CENPE: variants seen among roughly 807,000 people sequenced by gnomAD.
CENPE encodes the protein centromere-associated protein E.
A neutral mutation model predicts 336.1 loss-of-function variants in CENPE; 145 were observed. That is an observed-to-expected ratio of 0.43 (90% CI 0.38 to 0.50). CENPE has a LOEUF of 0.50. Ranked by LOEUF, CENPE falls within the 20% of genes least tolerant of loss-of-function variation. The pLI, the probability that CENPE is intolerant of heterozygous loss-of-function variation, is 0.00. For missense variants in CENPE, 2,719 were observed against 3,023.3 expected, an observed-to-expected ratio of 0.90 and a Z score of 2.36; for synonymous variants, 1,013 against 984.8, an observed-to-expected ratio of 1.03 and a Z score of -0.54.
At chr4:103,196,631 T>C in intron 2 of CENPE, 128 bp downstream of exon 2, 1 of 612,716 alleles carries the variant, frequency 1.6e-6, no homozygotes, top group Non-Finnish European at 2.9e-6. Context: ...CAATTTTGTT[T>C]CCAGTGAAGC....
At chr4:103,141,986 T>C in intron 34 of CENPE, 78 bp from the exon 35 acceptor site, 2 of 904,960 alleles carry the variant, frequency 2.2e-6, no homozygotes, top group South Asian at 3.2e-5. Context: ...TATATTTTCT[T>C]AGTAAAAATA....
intron 29 of CENPE, among the ~76,000 whole-genome samples, chr4:103,147,111 T>C (rs182123173): frequency 1.3e-5 from 2 of 152,342 alleles, no homozygotes; most frequent in African/African-American, 4.8e-5. Context: ...AATTATTTTT[T>C]CTAAATTATT....
At chr4:103,141,938 T>G (rs1752598258) in intron 34 of CENPE, 30 bp from the exon 35 acceptor site, 1 of 1,343,226 alleles carries the variant, frequency 7.4e-7, no homozygotes, top group African/African-American at 1.5e-5. Flanking sequence ...TTAAAAACAG[T>G]GACATATCTT....
intron 8 of CENPE, among the ~76,000 whole-genome samples, chr4:103,191,567 A>G (rs898903705): frequency 1.6e-4 from 23 of 144,146 alleles, no homozygotes; most frequent in Middle Eastern, 3.3e-3. Flanking sequence ...CAAACACCGC[A>G]TGTTCTCACT....
At chr4:103,116,484 T>C (rs923953328) in intron 45 of CENPE, 93 bp downstream of exon 45, 30 of 564,204 alleles carry the variant, frequency 5.3e-5, no homozygotes, top group Non-Finnish European at 9.0e-5. Context: ...TTTCATAAAT[T>C]ATATTTTAAA....
Position 103,111,130 on chromosome 4 carries a change from T to A in CENPE, c.7541-119A>T, listed in dbSNP as rs1017391111. On this transcript the variant is annotated intron_variant, in intron 46 of 48. Transcript: ENST00000265148. ...GAGACCCAAACAGCTCAAGTCTTAT[T>A]TCCCTGGAAGTCACCCTTGACTTCT... The A allele has an allele frequency of 7.6e-6, 5 of 658,992 alleles. No homozygotes were observed. In the African/African-American group the frequency reaches 9.2e-5, roughly 12 times the overall value. The allele number at this position is 658,992 out of a possible 1,614,324, so 40.8% of individuals were successfully genotyped here.
rs1755713591 is a variant in CENPE at position 103,174,765 on chromosome 4, G to C, written c.1618C>G (p.Leu540Val). Residue 540 changes from leucine (L) to valine (V), a missense_variant, in exon 16 of 49, where the codon CTA becomes GTA. By Grantham distance (32) the Leu-to-Val change is conservative. Coordinates refer to ENST00000265148, the MANE Select transcript of CENPE (RefSeq NM_001813.3). Reference sequence around the variant, plus strand: ...TGATCTTTTTTAGTTTTTCTTTCTAGAGCCTCAAATTCATCCAAATCATTC... The same window carrying C: ...TGATCTTTTTTAGTTTTTCTTTCTACAGCCTCAAATTCATCCAAATCATTC... The part of the protein sequence containing the change: ...EKNDLDEFEA[L>V]ERKTKKDQEM... 3.3e-6 allele frequency: 5 copies of C among 1,536,362 alleles called. No homozygotes were observed. The highest frequency in any genetic ancestry group is 4.4e-6 in the Non-Finnish European group (5 of 1,145,382).
intron 42 of CENPE, among the ~76,000 whole-genome samples, chr4:103,132,063 T>A (rs1033901782): frequency 3.9e-5 from 6 of 152,186 alleles, no homozygotes; most frequent in African/African-American, 1.4e-4. Flanking sequence ...TCATAGAATG[T>A]ACTATGCCAA....
At chr4:103,135,332 A>G (rs976889409) in intron 40 of CENPE, among the ~76,000 whole-genome samples, 1 of 152,150 alleles carries the variant, frequency 6.6e-6, no homozygotes, top group Non-Finnish European at 1.5e-5. Context: ...TAGGTATTTC[A>G]GCCCCCAAAC....
chr4:103,191,969 G>A (rs1047443005), intron 8 of CENPE, among the ~76,000 whole-genome samples: 9 of 151,962 alleles, frequency 5.9e-5, no homozygotes, highest in East Asian at 1.9e-4. Context: ...CAGGAATCTC[G>A]GTGAGAGATA....
rs1429689380 is a variant in CENPE, at chr4:103,182,854, T to C, written c.871A>G (p.Ile291Val). Residue 291 changes from isoleucine to valine, a missense_variant, in exon 11 of 49, where the codon ATT becomes GTT. Coordinates refer to ENST00000265148, the MANE Select transcript of CENPE (RefSeq NM_001813.3). ...TTTCCTCCCAAGGAATTCTGGAGAA[T>C]TCGTGTTAACTTGCTATCTCGATAA... ...INYRDSKLTR[I>V]LQNSLGGNAK... is the part of the protein sequence containing the mutation. 1 of 1,612,858 alleles carries C rather than the reference T, an allele frequency of 6.2e-7. No homozygotes were observed. The highest frequency in any genetic ancestry group is 8.5e-7 in the Non-Finnish European group (1 of 1,179,228).
chr4:103,126,849 T>C (rs1751148244), intron 42 of CENPE, among the ~76,000 whole-genome samples: 1 of 151,756 alleles, frequency 6.6e-6, no homozygotes, highest in Non-Finnish European at 1.5e-5. Flanking sequence ...AACTTGGAAA[T>C]ATGACAATGG....
intron 39 of CENPE, among the ~76,000 whole-genome samples, chr4:103,137,763 C>T (rs1560615263): frequency 6.6e-6 from 1 of 152,148 alleles, no homozygotes; most frequent in South Asian, 2.1e-4. Context: ...ATGATCTCTG[C>T]CTGGGTGATT....
chr4:103,165,003 T>C (rs941752165), intron 16 of CENPE, among the ~76,000 whole-genome samples: 9 of 152,176 alleles, frequency 5.9e-5, no homozygotes, highest in Admixed American at 5.9e-4. Context: ...TAAAGAATAC[T>C]AATTTAGAAA....
At chr4:103,142,622 C>T (rs533020371) in intron 34 of CENPE, among the ~76,000 whole-genome samples, 11 of 152,238 alleles carry the variant, frequency 7.2e-5, no homozygotes, top group Admixed American at 2.0e-4. Flanking sequence ...TTAATTTCTG[C>T]GTTTCTACAC....
Position 103,174,727 on chromosome 4 carries a change from C to A in CENPE, c.1647+9G>T. On this transcript the variant is annotated intron_variant, in intron 16 of 48. Coordinates refer to ENST00000265148, the MANE Select transcript of CENPE (RefSeq NM_001813.3). ...TTTTAGTTTAGTTTTACATTTCTGT[C>A]TCTCTTACCTCTTGATCTTTTTTAG... The A allele has an allele frequency of 1.4e-6, 2 of 1,465,530 alleles. No homozygotes were observed. Among genetic ancestry groups the A allele is most frequent in the Admixed American group, 2.7e-5 (1 of 37,540 alleles). The allele number at this position is 1,465,530 out of a possible 1,614,324, so 90.8% of individuals were successfully genotyped here.
rs1753608855 is a variant in CENPE, at chr4:103,152,026, T to C, written c.3238-649A>G. ...CACAGTGAACTTCTCCAAATATTTA[T>C]TTAAACTTATACACATTGTATCACC... On this transcript the variant is annotated intron_variant, in intron 25 of 48. Transcript: ENST00000265148. Among the ~76,000 whole-genome samples the C allele has an allele frequency of 3.3e-5, 5 of 152,212 alleles. No individual in the cohort carries two copies. In the South Asian group the frequency reaches 1.0e-3, roughly 32 times the overall value.
chr4:103,148,288 C>T (rs1165679194), intron 28 of CENPE, among the ~76,000 whole-genome samples: 1 of 152,148 alleles, frequency 6.6e-6, no homozygotes, highest in Non-Finnish European at 1.5e-5. Context: ...AACTATATCC[C>T]AATAAATGTA....
rs1750146267 is a variant in CENPE, at chr4:103,116,692, A to G, written c.7330-3T>C. Reference sequence around the variant, plus strand: ...TTAGCTCCTAAAGCAACTTTGTCCTAAATTTTTTTTAGAGAAAATAAAAAT... The same window carrying G: ...TTAGCTCCTAAAGCAACTTTGTCCTGAATTTTTTTTAGAGAAAATAAAAAT... On this transcript the variant is annotated splice_region_variant and splice_polypyrimidine_tract_variant and intron_variant, in intron 44 of 48. Transcript: ENST00000265148. 1.3e-6 allele frequency: 2 copies of G among 1,510,126 alleles called. No individual in the cohort carries two copies. The highest frequency in any genetic ancestry group is 9.0e-7 in the Non-Finnish European group (1 of 1,114,936). 93.5% of individuals were successfully genotyped at this position (1,510,126 alleles called of 1,614,324 possible).
Sources: gnomAD v4.1 joint callset for allele counts (sites outside exome capture counted in the v4.1 genomes callset) on GRCh38, gnomAD v4.1.1 for gene constraint, MANE v1.5 for transcripts, NCBI Gene and HGNC (gene_info 2026-07-23, HGNC 2026-07-21) for gene names.